The following STAMBPL1 variants were observed in gnomAD, a reference collection of about 807,000 sequenced individuals.
The protein encoded by STAMBPL1 is STAM binding protein like 1.
A neutral mutation model predicts 52.9 loss-of-function variants in STAMBPL1; 44 were observed. That is an observed-to-expected ratio of 0.83 (90% CI 0.65 to 1.07). The LOEUF is 1.07. Ranked by LOEUF, STAMBPL1 falls within the 50% of genes least tolerant of loss-of-function variation. STAMBPL1 has a pLI of 0.00. For synonymous variants in STAMBPL1, 164 were observed against 177.3 expected, an observed-to-expected ratio of 0.92 and a Z score of 0.60; for missense variants, 511 against 520.8, an observed-to-expected ratio of 0.98 and a Z score of 0.18.
chr10:88,920,426 C>T (rs1187324129), intron 8 of STAMBPL1, among the ~76,000 whole-genome samples: 1 of 152,128 alleles, frequency 6.6e-6, no homozygotes, highest in South Asian at 2.1e-4. Flanking sequence ...AAGAAATCTT[C>T]AGCGTCATAT....
intron 4 of STAMBPL1, 45 bp from the exon 5 acceptor site, chr10:88,910,871 G>A (rs377420595): frequency 4.9e-5 from 66 of 1,339,734 alleles, no homozygotes; most frequent in Non-Finnish European, 6.5e-5. Flanking sequence ...CTGAAAGAGT[G>A]TATTGAAAAT....
intron 5 of STAMBPL1, among the ~76,000 whole-genome samples, chr10:88,912,096 C>G (rs1845240250): frequency 6.6e-6 from 1 of 152,116 alleles, no homozygotes; most frequent in African/African-American, 2.4e-5. Context: ...CAGGACTGAG[C>G]CTAGGAGAGA....
intron 8 of STAMBPL1, among the ~76,000 whole-genome samples, chr10:88,920,435 A>G (rs1400021223): frequency 2.0e-5 from 3 of 152,214 alleles, no homozygotes; most frequent in African/African-American, 4.8e-5. Flanking sequence ...TCAGCGTCAT[A>G]TAGCTAGTGA....
intron 4 of STAMBPL1, among the ~76,000 whole-genome samples, chr10:88,910,523 A>G (rs1274925302): frequency 6.6e-6 from 1 of 152,148 alleles, no homozygotes; most frequent in Non-Finnish European, 1.5e-5. Context: ...TATCCACCAT[A>G]TATTCTCTCA....
At chr10:88,912,348 A>T (rs1845247578) in intron 5 of STAMBPL1, 1 of 152,198 alleles carries the variant, frequency 6.6e-6, no homozygotes, top group Admixed American at 6.5e-5. Context: ...AAGGCTCATT[A>T]ATATTTCATA....
At chr10:88,903,061 G>C (rs1411315667) in intron 2 of STAMBPL1, among the ~76,000 whole-genome samples, 1 of 152,060 alleles carries the variant, frequency 6.6e-6, no homozygotes, top group Non-Finnish European at 1.5e-5. Context: ...TGTCTTCTGT[G>C]TTTTTCTAGA....
intron 3 of STAMBPL1, among the ~76,000 whole-genome samples, chr10:88,906,915 A>G (rs926276792): frequency 5.9e-5 from 9 of 152,202 alleles, no homozygotes; most frequent in Non-Finnish European, 1.0e-4. Flanking sequence ...CTGCATAATT[A>G]TGCAATACAT....
At chr10:88,880,830 G>A (rs1844384665) in intron 1 of STAMBPL1, among the ~76,000 whole-genome samples, 192 bp downstream of exon 1, 1 of 152,202 alleles carries the variant, frequency 6.6e-6, no homozygotes, top group Admixed American at 6.5e-5. Context: ...CATGCAATCG[G>A]CCGCCTCCAT....
intron 1 of STAMBPL1, among the ~76,000 whole-genome samples, chr10:88,900,220 A>G (rs1410846045): frequency 1.3e-5 from 2 of 152,198 alleles, no homozygotes; most frequent in African/African-American, 2.4e-5. Flanking sequence ...TGATTGATCT[A>G]CTTCTGAGAT....
chr10:88,891,826 A>C (rs1334868642), intron 1 of STAMBPL1, among the ~76,000 whole-genome samples: 1 of 152,226 alleles, frequency 6.6e-6, no homozygotes, highest in Non-Finnish European at 1.5e-5. Flanking sequence ...CCATAAAAGC[A>C]CAAAGTAGGG....
rs993945008 is a variant in STAMBPL1, at chr10:88,880,642, A to C, written c.-54+4A>C. 1 of 152,196 alleles carries C rather than the reference A, an allele frequency of 6.6e-6. No individual in the cohort carries two copies. Among genetic ancestry groups the C allele is most frequent in the East Asian group, 1.9e-4 (1 of 5,182 alleles). The allele number at this position is 152,196 out of a possible 1,614,324, so 9.4% of individuals were successfully genotyped here. The stretch of plus-strand genomic sequence containing the variant: ...CTGCGGACACCAAGGGTTGCTAGTG[A>C]GTAGCGGCGCGCGCGCGTGAGTGAG... On this transcript the variant is annotated splice_donor_region_variant and intron_variant, in intron 1 of 10. Coordinates refer to ENST00000371926, the MANE Select transcript of STAMBPL1 (RefSeq NM_020799.4).
chr10:88,883,333 A>G (rs983668197), intron 1 of STAMBPL1, among the ~76,000 whole-genome samples: 4 of 152,198 alleles, frequency 2.6e-5, no homozygotes, highest in Admixed American at 1.3e-4. Flanking sequence ...CAGTAACAAA[A>G]TCAAAACAAA....
intron 1 of STAMBPL1, among the ~76,000 whole-genome samples, chr10:88,885,805 G>A (rs1387969438): frequency 6.6e-6 from 1 of 152,188 alleles, no homozygotes; most frequent in East Asian, 1.9e-4. Flanking sequence ...GACTCCTGTG[G>A]CAGTGAAGAA....
chr10:88,914,634 C>G lies in STAMBPL1; in HGVS notation c.879C>G (p.Thr293=), dbSNP rs907430806. The G allele has an allele frequency of 9.1e-6, 13 of 1,427,656 alleles. No individual in the cohort carries two copies. The highest frequency in any genetic ancestry group is 1.2e-5 in the Non-Finnish European group (13 of 1,081,144). The allele number at this position is 1,427,656 out of a possible 1,614,324, so 88.4% of individuals were successfully genotyped here. A position where few individuals can be genotyped will look rare whatever the true frequency, so the allele number is the denominator to read the frequency against. Residue 293 remains threonine, a synonymous_variant, in exon 7 of 11, where the codon ACC becomes ACG. Transcript: ENST00000371926. ...CTAATACAGTGAGAGGAATAGAAAC[C>G]TGTGGAATACTCTGTGGAAAACTGG... ...AESNTVRGIE[T]CGILCGKLTH... is the part of the protein sequence containing the mutation.
intron 8 of STAMBPL1, among the ~76,000 whole-genome samples, chr10:88,918,334 G>A (rs953976536): frequency 6.7e-6 from 1 of 148,968 alleles, no homozygotes; most frequent in African/African-American, 2.5e-5. Flanking sequence ...CATTTCCTAA[G>A]CATTTGGTAT....
In STAMBPL1 at chr10:88,916,549, G is replaced by C. The variant is rs561866250; in HGVS notation, c.904-131G>C. 32 of 460,290 alleles carry C rather than the reference G, an allele frequency of 7.0e-5. No individual in the cohort carries two copies. The South Asian group carries it at 1.4e-3, about 20-fold the overall frequency. The allele number at this position is 460,290 out of a possible 1,614,324, so 28.5% of individuals were successfully genotyped here. A position where few individuals can be genotyped will look rare whatever the true frequency, so the allele number is the denominator to read the frequency against. On this transcript the variant is annotated intron_variant, in intron 7 of 10. Coordinates refer to ENST00000371926, the MANE Select transcript of STAMBPL1 (RefSeq NM_020799.4). ...GTGTCCAGGTACAGGGAGGGATGAT[G>C]TAAGTGGTCCCTGTACCTGGACACA... is the stretch of plus-strand genomic sequence containing the variant.
chr10:88,887,897 T>G (rs768115949), intron 1 of STAMBPL1, among the ~76,000 whole-genome samples: 26 of 152,214 alleles, frequency 1.7e-4, no homozygotes, highest in Non-Finnish European at 3.2e-4. Context: ...AAGAATCCGC[T>G]TAAGAGCTAA....
intron 1 of STAMBPL1, among the ~76,000 whole-genome samples, chr10:88,892,470 GA>G (rs1344501379): frequency 6.6e-6 from 1 of 152,124 alleles, no homozygotes; most frequent in Non-Finnish European, 1.5e-5. Context: ...AAATCAGGGG[GA>G]TGTCAGCTCT....
At chr10:88,922,483 GC>G (rs376352298) in intron 10 of STAMBPL1, 47 bp downstream of exon 10, 9 of 1,547,988 alleles carry the variant, frequency 5.8e-6, no homozygotes, top group Middle Eastern at 1.7e-4. Context: ...CTTGTTCACT[GC>G]CCCCCCAATC....
Sources: gnomAD v4.1 joint callset for allele counts (sites outside exome capture counted in the v4.1 genomes callset) on GRCh38, gnomAD v4.1.1 for gene constraint, MANE v1.5 for transcripts, NCBI Gene and HGNC (gene_info 2026-07-23, HGNC 2026-07-21) for gene names.